Variants in RBM44 observed in about 807,000 individuals in gnomAD.
RBM44 encodes RNA binding motif protein 44.
In RBM44, 66 loss-of-function variants were observed where a neutral mutation model predicts 105.1. The observed-to-expected ratio is 0.63, with a 90% CI of 0.52 to 0.77. The LOEUF (loss-of-function observed/expected upper bound fraction) is 0.77, where lower values mean the gene tolerates loss of function less well. Ranked by LOEUF, RBM44 falls within the 30% of genes least tolerant of loss-of-function variation. The pLI is 0.00. For missense variants in RBM44, 1,122 were observed against 1,207.8 expected (o/e 0.93, Z 1.05); for synonymous variants, 365 against 417.6 (o/e 0.87, Z 1.54).
intron 1 of RBM44, 45 bp from the exon 2 acceptor site, chr2:237,813,547 T>A (rs2061680675): frequency 2.8e-6 from 3 of 1,053,546 alleles, no homozygotes; most frequent in Admixed American, 4.2e-5. Flanking sequence ...TGTCAATTTA[T>A]GCTTTTTAAG....
At chr2:237,804,313 C>A (rs2061577115) in intron 1 of RBM44, among the ~76,000 whole-genome samples, 2 of 152,172 alleles carry the variant, frequency 1.3e-5, no homozygotes, top group African/African-American at 4.8e-5. Flanking sequence ...TGGGTATATA[C>A]CTAGTAATGG....
rs1244448196 is a variant in RBM44 at position 237,829,396 on chromosome 2, G to A, written c.2780G>A (p.Ser927Asn). ...NRISSNNLEK[S>N]TNKQIHSEFS... ...ATTAGTTCGAATAATTTAGAGAAAAGCACCAACAAACAAATCCACTCAGAA... is the reference window on the plus strand; with the variant it reads ...ATTAGTTCGAATAATTTAGAGAAAAACACCAACAAACAAATCCACTCAGAA... Residue 927 changes from serine to asparagine, a missense_variant, in exon 13 of 16, where the codon AGC (serine) becomes AAC (asparagine). By Grantham distance (46) the Ser-to-Asn change is conservative. Coordinates refer to ENST00000316997, the MANE Select transcript of RBM44 (RefSeq NM_001080504.3). 6.2e-7 allele frequency: 1 copy of A among 1,613,516 alleles called. No individual in the cohort carries two copies. Among genetic ancestry groups the A allele is most frequent in the East Asian group, 2.2e-5 (1 of 44,880 alleles).
Position 237,824,272 on chromosome 2 carries a change from A to G in RBM44, c.2321-19A>G. On this transcript the variant is annotated intron_variant, in intron 9 of 15. Coordinates refer to ENST00000316997, the MANE Select transcript of RBM44 (RefSeq NM_001080504.3). ...GGACGTTACGTGTCATTCATAGCTC[A>G]CTGTGTTGAGTGTCTTAGACTGCAG... The G allele has an allele frequency of 6.2e-7, 1 of 1,611,284 alleles. No homozygotes were observed. The highest frequency in any genetic ancestry group is 8.5e-7 in the Non-Finnish European group (1 of 1,178,304).
chr2:237,820,128 A>G, intron 4 of RBM44, 47 bp from the exon 5 acceptor site: 1 of 1,109,592 alleles, frequency 9.0e-7, no homozygotes, highest in Non-Finnish European at 1.2e-6. Context: ...TTATTACTAT[A>G]GAAAAATGTT....
intron 15 of RBM44, among the ~76,000 whole-genome samples, chr2:237,838,918 A>G (rs1389139457): frequency 6.6e-6 from 1 of 152,224 alleles, no homozygotes; most frequent in Non-Finnish European, 1.5e-5. Flanking sequence ...CAAGGATTTT[A>G]CTGGGGGATG....
In RBM44 at chr2:237,823,447, T is replaced by C. The variant is rs779612370; in HGVS notation, c.2213T>C (p.Leu738Ser). The change falls in exon 9 of 16, where the codon TTA (leucine) becomes TCA (serine). Residue 738 changes from leucine (L) to serine (S), a missense_variant. Leu to Ser is a moderately radical substitution (Grantham distance 145). This residue lies in a region of RBM44 where 918 missense variants were observed against 955.3 expected (regional missense o/e 0.96). Transcript: ENST00000316997. ...TATTATCTTAATCCTCAGATGTCTT[T>C]ATCATCTGACAATAGTCATGCTACA... ...NLKKTLSQMS[L>S]SSDNSHATQN... 6 of 1,426,282 alleles carry C rather than the reference T, an allele frequency of 4.2e-6. No individual in the cohort carries two copies. The South Asian group carries it at 5.0e-5, about 12-fold the overall frequency. 88.4% of individuals were successfully genotyped at this position (1,426,282 alleles called of 1,614,324 possible). A position where few individuals can be genotyped will look rare whatever the true frequency, so the allele number is the denominator to read the frequency against.
At chr2:237,819,116 C>CAAT (rs1224594479) in intron 4 of RBM44, among the ~76,000 whole-genome samples, 157 bp downstream of exon 4, 1 of 151,996 alleles carries the variant, frequency 6.6e-6, no homozygotes, top group Non-Finnish European at 1.5e-5. Context: ...AATATTAAAA[C>CAAT]AATATAGAAT....
intron 9 of RBM44, among the ~76,000 whole-genome samples, chr2:237,823,923 C>T (rs1360616777): frequency 2.6e-5 from 4 of 152,010 alleles, no homozygotes; most frequent in East Asian, 1.9e-4. Flanking sequence ...GGCTGCAACG[C>T]GGCTTAATTC....
chr2:237,815,723 TA>T (rs937095954), intron 2 of RBM44, among the ~76,000 whole-genome samples: 6 of 151,542 alleles, frequency 4.0e-5, no homozygotes, highest in African/African-American at 7.3e-5. Flanking sequence ...ATGATCTTAG[TA>T]AAAAAAAATC....
intron 2 of RBM44, among the ~76,000 whole-genome samples, chr2:237,815,744 C>T (rs994384667): frequency 3.3e-5 from 5 of 151,906 alleles, no homozygotes; most frequent in African/African-American, 1.2e-4. Context: ...CTTTTGAAAA[C>T]CACTGCTCTC....
At chr2:237,823,651 C>A in intron 9 of RBM44, 97 bp downstream of exon 9, 1 of 613,582 alleles carries the variant, frequency 1.6e-6, no homozygotes, top group Non-Finnish European at 2.9e-6. Flanking sequence ...AATAAATTTT[C>A]TTAATTGATG....
chr2:237,813,466 A>G (rs1479541544), intron 1 of RBM44, 126 bp from the exon 2 acceptor site: 1 of 539,512 alleles, frequency 1.9e-6, no homozygotes, highest in African/African-American at 1.9e-5. Flanking sequence ...TTAGTGACCT[A>G]ATGCATTGGT....
At chr2:237,839,946 A>T (rs1460101157) in intron 15 of RBM44, among the ~76,000 whole-genome samples, 1 of 152,174 alleles carries the variant, frequency 6.6e-6, no homozygotes, top group Non-Finnish European at 1.5e-5. Flanking sequence ...AGTAATCCCA[A>T]CACTTTGGGA....
intron 1 of RBM44, among the ~76,000 whole-genome samples, chr2:237,800,076 T>A (rs2061530016): frequency 6.6e-6 from 1 of 152,212 alleles, no homozygotes; most frequent in Non-Finnish European, 1.5e-5. Context: ...CCAGAGTGGC[T>A]GCACCATGTT....
At chr2:237,827,384 TTTG>T (rs1559919310) in intron 11 of RBM44, 46 bp from the exon 12 acceptor site, 1 of 1,452,470 alleles carries the variant, frequency 6.9e-7, no homozygotes, top group African/African-American at 1.4e-5. Flanking sequence ...GTTGTTCATA[TTTG>T]TTGTTTTTTT....
intron 15 of RBM44, among the ~76,000 whole-genome samples, chr2:237,835,963 C>T (rs1358377541): frequency 1.3e-5 from 2 of 152,138 alleles, no homozygotes; most frequent in Non-Finnish European, 2.9e-5. Context: ...GATGTAGAAG[C>T]TGTAGCAAGA....
At chr2:237,820,495 A>C in intron 5 of RBM44, 144 bp downstream of exon 5, 1 of 515,280 alleles carries the variant, frequency 1.9e-6, no homozygotes, top group Non-Finnish European at 3.4e-6. Flanking sequence ...CCTAAGGGTA[A>C]TAGAACCCTT....
intron 1 of RBM44, among the ~76,000 whole-genome samples, chr2:237,808,054 C>T (rs2061617022): frequency 1.3e-5 from 2 of 151,980 alleles, no homozygotes; most frequent in South Asian, 2.1e-4. Context: ...ACAGAGATTC[C>T]GGTTACTGGA....
chr2:237,807,939 A>G (rs1455101167), intron 1 of RBM44, among the ~76,000 whole-genome samples: 2 of 152,190 alleles, frequency 1.3e-5, no homozygotes, highest in Non-Finnish European at 2.9e-5. Flanking sequence ...TTATATATAC[A>G]ACTTATCAAA....
Sources: gnomAD v4.1 joint callset for allele counts (sites outside exome capture counted in the v4.1 genomes callset) on GRCh38, gnomAD v4.1.1 for gene constraint, gnomAD v4.1.1 regional missense constraint, MANE v1.5 for transcripts, NCBI Gene and HGNC (gene_info 2026-07-23, HGNC 2026-07-21) for gene names.